Variants in HOMER2 observed in about 807,000 individuals in gnomAD.
The protein encoded by HOMER2 is homer protein homolog 2.
HOMER2 carries 27 observed loss-of-function variants against 47.0 expected under a neutral mutation model. The observed-to-expected ratio is 0.57, with a 90% confidence interval of 0.42 to 0.79. The LOEUF is 0.79. Among genes scored for constraint, HOMER2 ranks in the 30% least tolerant of loss-of-function variants. The pLI, the probability that HOMER2 is intolerant of heterozygous loss-of-function variation, is 0.00. For synonymous variants in HOMER2, 161 were observed against 163.8 expected (o/e 0.98, Z 0.13); for missense variants, 443 against 435.0 (o/e 1.02, Z -0.16).
At chr15:82,897,065 CTTTTT>C (rs68038013) in intron 1 of HOMER2, among the ~76,000 whole-genome samples, 17 of 101,826 alleles carry the variant, frequency 1.7e-4, no homozygotes, top group Admixed American at 2.6e-4. Context: ...GATGTCATTT[CTTTTT>C]TTTTTTTTTT....
downstream of HOMER2, among the ~76,000 whole-genome samples, chr15:82,836,579 T>C (rs1002045331): frequency 6.6e-6 from 1 of 152,258 alleles, no homozygotes; most frequent in African/African-American, 2.4e-5. Context: ...AGGTCTTCTC[T>C]GACCTCTCTC....
chr15:82,931,833 G>A (rs1413270599), intron 1 of HOMER2, among the ~76,000 whole-genome samples: 3 of 152,106 alleles, frequency 2.0e-5, no homozygotes, highest in Non-Finnish European at 2.9e-5. Flanking sequence ...GCGAGACTCC[G>A]TCTCAAAAAA....
At chr15:82,852,322 C>T (rs1245233837) in intron 6 of HOMER2, 70 bp from the exon 7 acceptor site, 3 of 1,029,322 alleles carry the variant, frequency 2.9e-6, no homozygotes, top group South Asian at 2.7e-5. Flanking sequence ...GAGATCACCA[C>T]AGCTATGCTT....
exon 2 of HOMER2, chr15:82,958,692 A>T (rs2054605719): frequency 6.6e-6 from 1 of 152,226 alleles, no homozygotes; most frequent in Non-Finnish European, 1.5e-5. Context: ...GCCCCCAGTG[A>T]GGCTGGGAGC....
chr15:82,920,743 T>C (rs1308767048), intron 1 of HOMER2, among the ~76,000 whole-genome samples: 2 of 152,230 alleles, frequency 1.3e-5, no homozygotes, highest in African/African-American at 4.8e-5. Context: ...TTATCATATC[T>C]GCAAAGACCC....
chr15:82,903,246 T>A (rs2053182405), intron 1 of HOMER2, among the ~76,000 whole-genome samples: 1 of 152,142 alleles, frequency 6.6e-6, no homozygotes, highest in South Asian at 2.1e-4. Context: ...TTCCTGAGAT[T>A]TCAAAATGGC....
At chr15:82,974,978 G>A (rs940759925) in intron 1 of HOMER2, among the ~76,000 whole-genome samples, 3 of 152,164 alleles carry the variant, frequency 2.0e-5, no homozygotes, top group Non-Finnish European at 4.4e-5. Flanking sequence ...GCTGAGGCAG[G>A]AGAATCACGT....
chr15:82,891,386 C>T (rs1293195169), intron 2 of HOMER2, among the ~76,000 whole-genome samples: 3 of 152,186 alleles, frequency 2.0e-5, no homozygotes, highest in Non-Finnish European at 4.4e-5. Context: ...AAGAGGATCC[C>T]AGGGTCAAGC....
intron 3 of HOMER2, among the ~76,000 whole-genome samples, chr15:82,865,921 C>T (rs1214238353): frequency 6.6e-6 from 1 of 152,188 alleles, no homozygotes; most frequent in Non-Finnish European, 1.5e-5. Flanking sequence ...AGGGGTGGGG[C>T]TCTCATGGAG....
intron 4 of HOMER2, among the ~76,000 whole-genome samples, chr15:82,860,520 T>C (rs1449746252): frequency 6.6e-6 from 1 of 152,128 alleles, no homozygotes; most frequent in African/African-American, 2.4e-5. Context: ...AAAATAAAGC[T>C]CTTGAAAATC....
At chr15:82,855,724 G>A (rs756000165) in intron 5 of HOMER2, among the ~76,000 whole-genome samples, 1 of 152,202 alleles carries the variant, frequency 6.6e-6, no homozygotes, top group Non-Finnish European at 1.5e-5. Context: ...ATATCCCCCC[G>A]GGGTGTGAGG....
chr15:82,908,465 GC>G (rs2053352723), intron 1 of HOMER2, among the ~76,000 whole-genome samples: 1 of 152,086 alleles, frequency 6.6e-6, no homozygotes, highest in South Asian at 2.1e-4. Flanking sequence ...ACAGAGAATA[GC>G]CAAATCCACA....
At chr15:82,850,174 G>A (rs1456093537) in intron 8 of HOMER2, among the ~76,000 whole-genome samples, 1 of 152,252 alleles carries the variant, frequency 6.6e-6, no homozygotes, top group Non-Finnish European at 1.5e-5. Flanking sequence ...CAACAAAGCA[G>A]GCAGAACGCA....
At chr15:82,941,994 C>G (rs1020643116) in intron 1 of HOMER2, among the ~76,000 whole-genome samples, 3 of 152,174 alleles carry the variant, frequency 2.0e-5, no homozygotes, top group Non-Finnish European at 4.4e-5. Context: ...GGTCCCTGTT[C>G]TTGACCCGCA....
chr15:82,986,124 T>C (rs2030593450), upstream of HOMER2: 5 of 984,942 alleles, frequency 5.1e-6, no homozygotes, highest in Non-Finnish European at 6.0e-6. Context: ...AGAAGCGATC[T>C]GTTGCAAAGC....
At chr15:82,899,727 A>G (rs1345288894) in intron 1 of HOMER2, among the ~76,000 whole-genome samples, 2 of 152,224 alleles carry the variant, frequency 1.3e-5, no homozygotes, top group Non-Finnish European at 2.9e-5. Flanking sequence ...GATAGAAAAT[A>G]TAACAGATTG....
chr15:82,875,497 C>CAA (rs1163131681), intron 2 of HOMER2, 93 bp from the exon 3 acceptor site: 13 of 1,338,406 alleles, frequency 9.7e-6, no homozygotes, highest in South Asian at 9.4e-5. Context: ...GCCAGTGCTT[C>CAA]AAGCCTGTAT....
upstream of HOMER2, chr15:82,985,985 T>C (rs1020727718): frequency 1.3e-6 from 1 of 793,314 alleles, no homozygotes; most frequent in African/African-American, 1.9e-5. Context: ...TCAAAGGAGC[T>C]TAATAGACGG....
At chr15:82,968,748 A>C (rs546031874) in intron 1 of HOMER2, among the ~76,000 whole-genome samples, 1 of 152,370 alleles carries the variant, frequency 6.6e-6, no homozygotes, top group African/African-American at 2.4e-5. Flanking sequence ...AGAAATTAAC[A>C]AAATATGGTC....
Sources: gnomAD v4.1 joint callset for allele counts (sites outside exome capture counted in the v4.1 genomes callset) on GRCh38, gnomAD v4.1.1 for gene constraint, MANE v1.5 for transcripts, NCBI Gene and HGNC (gene_info 2026-07-23, HGNC 2026-07-21) for gene names.